The following TMIGD3 variants were observed in gnomAD, a reference collection of about 807,000 sequenced individuals.
The protein encoded by TMIGD3 is AD026 protein (AD026).
Under a neutral mutation model 28.1 loss-of-function variants are expected in TMIGD3, and 21 were observed. The ratio of observed to expected loss-of-function variants is 0.75; its 90% CI spans 0.53 to 1.08. The LOEUF is 1.08. TMIGD3 is among the 50% of genes least tolerant of loss of function. The pLI is 0.00. For synonymous variants in TMIGD3, 151 were observed against 162.1 expected, an observed-to-expected ratio of 0.93 and a Z score of 0.52; for missense variants, 416 against 435.6, an observed-to-expected ratio of 0.96 and a Z score of 0.40.
Position 111,503,090 on chromosome 1 carries a change from G to A in TMIGD3, c.265C>T (p.Leu89=), listed in dbSNP as rs35789323. ...HFYSCLFMTC[L]LLIFTHASIM... ...GAGGCGTGGGTAAAGATAAGCAGTAGGCAAGTCATAAAAAGGCAGCTGTAG... is the reference window on the plus strand; with the variant it reads ...GAGGCGTGGGTAAAGATAAGCAGTAAGCAAGTCATAAAAAGGCAGCTGTAG... Residue 89 remains leucine, a synonymous_variant, in exon 1 of 6, where the codon CTA becomes TTA. Transcript: ENST00000369716. 952 of 1,614,190 alleles carry A rather than the reference G, an allele frequency of 5.9e-4. 5 individuals are homozygous for A. In the African/African-American group the frequency reaches 0.012, roughly 20 times the overall value.
chr1:111,524,309 G>C (rs569301469), intron 1 of TMIGD3, among the ~76,000 whole-genome samples: 1 of 152,016 alleles, frequency 6.6e-6, no homozygotes, highest in Non-Finnish European at 1.5e-5. Context: ...GATTACAGGC[G>C]TGAGCCATCG....
At chr1:111,557,319 C>T (rs1402397345) in intron 1 of TMIGD3, among the ~76,000 whole-genome samples, 1 of 152,136 alleles carries the variant, frequency 6.6e-6, no homozygotes, top group Non-Finnish European at 1.5e-5. Context: ...GAGTCCGAGA[C>T]AGGCAGATCA....
At chr1:111,487,301 C>T (rs530859797) in intron 3 of TMIGD3, among the ~76,000 whole-genome samples, 4 of 152,260 alleles carry the variant, frequency 2.6e-5, no homozygotes, top group Non-Finnish European at 4.4e-5. Flanking sequence ...TGGGTGTGAA[C>T]GATGTTACAT....
At chr1:111,485,708 G>GGCCCCC in intron 5 of TMIGD3, 32 bp downstream of exon 5, 1 of 867,088 alleles carries the variant, frequency 1.2e-6, no homozygotes, top group Non-Finnish European at 1.9e-6. Flanking sequence ...TCTAATTCTT[G>GGCCCCC]CCCACCCCCT....
chr1:111,496,633 C>G (rs896070685), intron 1 of TMIGD3, among the ~76,000 whole-genome samples: 1 of 152,218 alleles, frequency 6.6e-6, no homozygotes, highest in African/African-American at 2.4e-5. Flanking sequence ...CTCTCACCTC[C>G]TTTGGTGGAG....
intron 2 of TMIGD3, chr1:111,489,665 C>G: frequency 1.7e-6 from 2 of 1,144,562 alleles, no homozygotes; most frequent in Non-Finnish European, 2.2e-6. Context: ...CTGAGGCTTA[C>G]CGTTAGGAGG....
chr1:111,493,384 C>T lies in TMIGD3; in HGVS notation c.351-2622G>A, dbSNP rs1040520369. Among the ~76,000 whole-genome samples, 3 of 152,242 alleles carry T rather than the reference C, an allele frequency of 2.0e-5. No homozygotes were observed. In the East Asian group the frequency reaches 5.8e-4, roughly 29 times the overall value. On this transcript the variant is annotated intron_variant, in intron 1 of 5. Transcript: ENST00000369716. ...TTGTTTCAGAGAGTCTGGCACCTCC[C>T]CCCACCCTGCTTCCCTTGCGTTCAT...
At chr1:111,513,507 T>C (rs1655759288) in intron 1 of TMIGD3, among the ~76,000 whole-genome samples, 1 of 152,244 alleles carries the variant, frequency 6.6e-6, no homozygotes, top group African/African-American at 2.4e-5. Flanking sequence ...ATAAAATTTA[T>C]TCTAGGTTGG....
chr1:111,520,452 C>T (rs1230406523), intron 1 of TMIGD3, among the ~76,000 whole-genome samples: 1 of 152,148 alleles, frequency 6.6e-6, no homozygotes, highest in Non-Finnish European at 1.5e-5. Flanking sequence ...TCTCAGTCTC[C>T]CATGCAGGAA....
At chr1:111,488,613 C>G in intron 3 of TMIGD3, 64 bp downstream of exon 3, 2 of 1,469,374 alleles carry the variant, frequency 1.4e-6, no homozygotes, top group Non-Finnish European at 9.3e-7. Context: ...AGAGAGTGCT[C>G]TCTTAGCAGC....
intron 1 of TMIGD3, among the ~76,000 whole-genome samples, chr1:111,494,505 G>A (rs1654803916): frequency 6.6e-6 from 1 of 152,132 alleles, no homozygotes; most frequent in Non-Finnish European, 1.5e-5. Flanking sequence ...AGCTTACCAG[G>A]GAGGTGAAAG....
chr1:111,545,179 T>C (rs1001758777), intron 1 of TMIGD3, among the ~76,000 whole-genome samples: 10 of 152,152 alleles, frequency 6.6e-5, no homozygotes, highest in African/African-American at 2.4e-4. Flanking sequence ...AACTTTATTT[T>C]CAACTTTTTG....
chr1:111,562,085 T>C (rs1283062361), intron 1 of TMIGD3, among the ~76,000 whole-genome samples: 1 of 151,990 alleles, frequency 6.6e-6, no homozygotes, highest in East Asian at 1.9e-4. Context: ...TTCAATAACA[T>C]CATATGTGTC....
At chr1:111,489,076 C>G in intron 2 of TMIGD3, 52 bp from the exon 3 acceptor site, 1 of 1,479,936 alleles carries the variant, frequency 6.8e-7, no homozygotes, top group Non-Finnish European at 9.2e-7. Context: ...CACCATTGTT[C>G]TCTCAAAACA....
chr1:111,517,794 T>A (rs1217861159), intron 1 of TMIGD3, among the ~76,000 whole-genome samples: 2 of 152,228 alleles, frequency 1.3e-5, no homozygotes, highest in Non-Finnish European at 2.9e-5. Flanking sequence ...TTTCTACTGC[T>A]GCATGGATTA....
intron 2 of TMIGD3, 34 bp from the exon 3 acceptor site, chr1:111,489,058 C>T: frequency 3.3e-6 from 5 of 1,531,286 alleles, no homozygotes; most frequent in Non-Finnish European, 4.5e-6. Context: ...CACACGTGCA[C>T]ACACACACAC....
intron 1 of TMIGD3, chr1:111,500,325 G>A (rs368843789): frequency 4.7e-5 from 76 of 1,614,086 alleles, no homozygotes; most frequent in East Asian, 1.1e-4. Context: ...GATAGATGGC[G>A]CACATGACAA....
intron 1 of TMIGD3, among the ~76,000 whole-genome samples, chr1:111,529,207 AAACTCAAAAATTTCAAGATTT>A (rs1656368045): frequency 6.6e-6 from 1 of 151,846 alleles, no homozygotes; most frequent in Admixed American, 6.6e-5. Context: ...TCATAGAACA[AAACTCAAAAATTTCAAGATTT>A]AACTCTGGAA....
At chr1:111,499,135 G>A (rs1268721858) in intron 1 of TMIGD3, among the ~76,000 whole-genome samples, 1 of 150,852 alleles carries the variant, frequency 6.6e-6, no homozygotes, top group East Asian at 1.9e-4. Flanking sequence ...AAAAGAAAAG[G>A]GCTCAACAAA....
Sources: gnomAD v4.1 joint callset for allele counts (sites outside exome capture counted in the v4.1 genomes callset) on GRCh38, gnomAD v4.1.1 for gene constraint, MANE v1.5 for transcripts, NCBI Gene and HGNC (gene_info 2026-07-23, HGNC 2026-07-21) for gene names.